WIPF3: variants seen among roughly 807,000 people sequenced by gnomAD.
WIPF3 encodes WAS/WASL-interacting protein family member 3.
A neutral mutation model predicts 38.9 loss-of-function variants in WIPF3; 33 were observed. The observed-to-expected ratio is 0.85, with a 90% CI of 0.64 to 1.14. The LOEUF (loss-of-function observed/expected upper bound fraction) is 1.14. WIPF3 is among the 50% of genes most tolerant of loss of function. WIPF3 has a pLI of 0.00. For missense variants in WIPF3, 711 were observed against 652.5 expected (o/e 1.09, Z -0.98); for synonymous variants, 324 against 269.3 (o/e 1.20, Z -1.99).
intron 3 of WIPF3, among the ~76,000 whole-genome samples, chr7:29,876,401 T>C (rs878901): frequency 0.45 from 67,896 of 151,918 alleles, 16,290 homozygotes; most frequent in African/African-American, 0.62. Flanking sequence ...CATTAGTCCC[T>C]GGCCCTTGCC....
At position 29,888,193 on chromosome 7, in the gene WIPF3, C is replaced by G. The variant is rs533662378; in HGVS notation, c.1225C>G (p.Arg409Gly). ...TPTQQPGGQL[R>G]NGSLHIIDDF... ...GACGCAGCAGCCTGGAGGTCAACTG[C>G]GAAATGGAAGCCTGCACATCATTGG... Residue 409 changes from arginine to glycine, a missense_variant, in exon 6 of 9, where the codon CGA becomes GGA. Transcript: ENST00000242140. 1.2e-6 allele frequency: 2 copies of G among 1,611,260 alleles called. No homozygotes were observed. The highest frequency in any genetic ancestry group is 2.2e-5 in the East Asian group (1 of 44,790).
chr7:29,859,856 C>T (rs1785245743), intron 2 of WIPF3, among the ~76,000 whole-genome samples: 1 of 152,148 alleles, frequency 6.6e-6, no homozygotes, highest in Non-Finnish European at 1.5e-5. Context: ...ACTTAGGGCT[C>T]CCTGAGAGAG....
chr7:29,872,798 C>CAAAAAA lies in WIPF3; in HGVS notation c.91-3011_91-3006dup, dbSNP rs61693654. Among the ~76,000 whole-genome samples the CAAAAAA allele has an allele frequency of 9.1e-3, 284 of 31,042 alleles. 44 individuals carry two copies. Among genetic ancestry groups the CAAAAAA allele is most frequent in the South Asian group, 0.013 (5 of 372 alleles). The allele number at this position is 31,042 out of a possible 152,430, so 20.4% of individuals were successfully genotyped here. ...TGGGCGACAGAGTGAGACTCCATCTCAAAAAAAAAAAAAAAAAAAAAAAAA... is the reference window on the plus strand; with the variant it reads ...TGGGCGACAGAGTGAGACTCCATCTCAAAAAAAAAAAAAAAAAAAAAAAAAAAAAAA... On this transcript the variant is annotated intron_variant, in intron 2 of 8. Coordinates refer to ENST00000242140, the MANE Select transcript of WIPF3 (RefSeq NM_001080529.3).
chr7:29,902,636 G>A (rs928394459), intron 7 of WIPF3, among the ~76,000 whole-genome samples: 9 of 151,840 alleles, frequency 5.9e-5, no homozygotes, highest in Non-Finnish European at 8.8e-5. Flanking sequence ...CCAGGAGTTC[G>A]AGATAAGCCT....
chr7:29,872,710 G>T (rs1214940822), intron 2 of WIPF3, among the ~76,000 whole-genome samples: 3 of 150,492 alleles, frequency 2.0e-5, no homozygotes, highest in African/African-American at 7.4e-5. Flanking sequence ...GCAGGAGAAT[G>T]GCGTGAACCC....
chr7:29,818,839 T>G (rs1784495784), intron 1 of WIPF3, among the ~76,000 whole-genome samples: 1 of 152,170 alleles, frequency 6.6e-6, no homozygotes, highest in Admixed American at 6.6e-5. Flanking sequence ...TTGAGTTATG[T>G]TATAGATATT....
chr7:29,912,437 A>G (rs1786521371), intron 8 of WIPF3: 1 of 155,614 alleles, frequency 6.4e-6, no homozygotes, highest in Non-Finnish European at 1.4e-5. Context: ...TATATACCCA[A>G]AAGAACCTAA....
intron 8 of WIPF3, 141 bp from the exon 9 acceptor site, chr7:29,914,352 A>G (rs560000327): frequency 8.8e-6 from 5 of 565,570 alleles, no homozygotes; most frequent in Non-Finnish European, 1.4e-5. Context: ...AGCTCTTTGC[A>G]TAGGCATCTC....
intron 1 of WIPF3, among the ~76,000 whole-genome samples, chr7:29,830,577 G>T (rs967588174): frequency 6.8e-6 from 1 of 147,936 alleles, no homozygotes; most frequent in African/African-American, 2.5e-5. Flanking sequence ...CCGAGATCAC[G>T]CCGCTGCACT....
intron 2 of WIPF3, among the ~76,000 whole-genome samples, chr7:29,856,353 C>A (rs897189010): frequency 6.6e-6 from 1 of 152,152 alleles, no homozygotes; most frequent in Non-Finnish European, 1.5e-5. Context: ...TCAGGCCAGG[C>A]ACAGTGTCTC....
In WIPF3 at chr7:29,881,098, GCAGGTCTCTGCT is replaced by G. The variant is rs564346225; in HGVS notation, c.355+1964_355+1975del. ...CACGTGGCTCAGTCTCTCCCTTCCT[GCAGGTCTCTGCT>G]CAGGTGGCAGCTGATCAAAGTGTCC... On this transcript the variant is annotated intron_variant, in intron 4 of 8. Transcript: ENST00000242140. Among the ~76,000 whole-genome samples, 19 of 152,256 alleles carry G rather than the reference GCAGGTCTCTGCT, an allele frequency of 1.2e-4. No homozygotes were observed. In the South Asian group the frequency reaches 3.9e-3, roughly 32 times the overall value.
Position 29,884,264 on chromosome 7 carries a change from T to TA in WIPF3, c.770_771insA (p.Pro259AlafsTer59). The TA allele has an allele frequency of 1.4e-3, 1,892 of 1,312,222 alleles. No homozygotes were observed. Among genetic ancestry groups the TA allele is most frequent in the Non-Finnish European group, 1.7e-3 (1,711 of 989,904 alleles). 81.3% of individuals were successfully genotyped at this position (1,312,222 alleles called of 1,614,324 possible). ...AAGCCTCAGCTGGCTCCCTTGCACC[T>TA]CCCGCCCATCCCGCCCCCGCTCCCT... On this transcript the variant is annotated frameshift_variant, in exon 5 of 9. Transcript: ENST00000242140. LOFTEE classifies it high-confidence loss of function.
In WIPF3 at chr7:29,897,952, A is replaced by G. The variant is rs112198148; in HGVS notation, c.1352-6334A>G. Among the ~76,000 whole-genome samples, 18 of 152,286 alleles carry G rather than the reference A, an allele frequency of 1.2e-4. 1 individual carries two copies. Among genetic ancestry groups the G allele is most frequent in the African/African-American group, 3.6e-4 (15 of 41,562 alleles). On this transcript the variant is annotated intron_variant, in intron 7 of 8. Coordinates refer to ENST00000242140, the MANE Select transcript of WIPF3 (RefSeq NM_001080529.3). ...GAAGGTACTGTAATGTCTATAAAGT[A>G]TCTCTCTGGACCTACTCTGGTCCCT... is the stretch of plus-strand genomic sequence containing the variant.
intron 2 of WIPF3, among the ~76,000 whole-genome samples, chr7:29,839,169 C>T (rs1467218832): frequency 1.8e-4 from 28 of 152,082 alleles, no homozygotes; most frequent in Non-Finnish European, 1.2e-4. Flanking sequence ...ACACAGGTGG[C>T]GATGACATAC....
intron 2 of WIPF3, among the ~76,000 whole-genome samples, chr7:29,840,965 C>T (rs534520083): frequency 1.1e-4 from 16 of 152,174 alleles, no homozygotes; most frequent in African/African-American, 3.6e-4. Context: ...GATCAGATAT[C>T]GAGATGGGGT....
At chr7:29,877,811 A>G (rs1304232217) in intron 3 of WIPF3, among the ~76,000 whole-genome samples, 1 of 152,172 alleles carries the variant, frequency 6.6e-6, no homozygotes, top group Non-Finnish European at 1.5e-5. Context: ...TCATGTTTAG[A>G]CTTGGGTCCC....
Position 29,888,167 on chromosome 7 carries a change from C to A in WIPF3, c.1199C>A (p.Pro400Gln). The A allele has an allele frequency of 1.2e-6, 2 of 1,613,302 alleles. No homozygotes were observed. The highest frequency in any genetic ancestry group is 2.2e-5 in the South Asian group (2 of 90,904). ...SKSQQATAWT[P>Q]TQQPGGQLRN... is the part of the protein sequence containing the mutation. ...AGCCAGCAGGCCACAGCCTGGACCC[C>A]GACGCAGCAGCCTGGAGGTCAACTG... Residue 400 changes from proline (P) to glutamine (Q), a missense_variant, in exon 6 of 9, where the codon CCG becomes CAG. Physicochemically the swap from Pro to Gln is moderately conservative, Grantham distance 76. Transcript: ENST00000242140.
intron 8 of WIPF3, chr7:29,905,048 T>A (rs1449613114): frequency 6.6e-6 from 1 of 152,290 alleles, no homozygotes; most frequent in Non-Finnish European, 1.5e-5. Flanking sequence ...CTGAATACTA[T>A]GTGACAGACT....
At chr7:29,909,975 T>G (rs1237806398) in intron 8 of WIPF3, among the ~76,000 whole-genome samples, 1 of 151,906 alleles carries the variant, frequency 6.6e-6, no homozygotes, top group Non-Finnish European at 1.5e-5. Context: ...GATGGTTAAT[T>G]GGTATAAAAA....
Sources: allele counts gnomAD v4.1 joint callset (sites outside exome capture counted in the v4.1 genomes callset), GRCh38; gene constraint gnomAD v4.1.1; transcripts MANE v1.5; gene names NCBI Gene and HGNC (gene_info 2026-07-23, HGNC 2026-07-21).